The following NBEA variants were observed in gnomAD, a reference collection of about 807,000 sequenced individuals.
NBEA encodes lysosomal-trafficking regulator 2.
A neutral mutation model predicts 343.4 loss-of-function variants in NBEA; 44 were observed. That is an observed-to-expected ratio of 0.13 (90% CI 0.10 to 0.16). NBEA has a LOEUF of 0.16. Ranked by LOEUF, NBEA falls within the 10% of genes least tolerant of loss-of-function variation. NBEA has a pLI of 1.00. For synonymous variants in NBEA, 1,175 were observed against 1,238.7 expected, an observed-to-expected ratio of 0.95 and a Z score of 1.08; for missense variants, 2,555 against 3,631.3, an observed-to-expected ratio of 0.70 and a Z score of 7.62.
At chr13:35,215,004 G>A (rs1338483383) in intron 33 of NBEA, among the ~76,000 whole-genome samples, 1 of 106,394 alleles carries the variant, frequency 9.4e-6, no homozygotes, top group Non-Finnish European at 2.1e-5. Flanking sequence ...ACTCCATTCT[G>A]TCCCATGAAC....
chr13:35,081,920 C>G (rs998228353), intron 10 of NBEA, among the ~76,000 whole-genome samples: 2 of 150,912 alleles, frequency 1.3e-5, no homozygotes, highest in Non-Finnish European at 3.0e-5. Context: ...ATTTTGGTAA[C>G]TTTTTTTTTA....
At chr13:35,098,609 AT>A (rs1391739601) in intron 11 of NBEA, among the ~76,000 whole-genome samples, 2 of 152,208 alleles carry the variant, frequency 1.3e-5, no homozygotes, top group East Asian at 1.9e-4. Flanking sequence ...GAATAAAAAA[AT>A]CTAAATAAAA....
intron 38 of NBEA, among the ~76,000 whole-genome samples, chr13:35,370,155 A>C (rs577354451): frequency 1.3e-5 from 2 of 152,062 alleles, no homozygotes; most frequent in Non-Finnish European, 2.9e-5. Flanking sequence ...ACTCAACTGG[A>C]GTCTATCGCT....
intron 38 of NBEA, among the ~76,000 whole-genome samples, chr13:35,381,044 CT>C (rs539176050): frequency 6.4e-4 from 97 of 151,924 alleles, no homozygotes; most frequent in African/African-American, 2.3e-3. Flanking sequence ...TATGATTTTT[CT>C]TTTTTTCTAC....
chr13:35,185,921 TA>T (rs1474644469), intron 30 of NBEA: 13 of 152,210 alleles, frequency 8.5e-5, no homozygotes, highest in African/African-American at 2.9e-4. Flanking sequence ...CGGGGAAAGA[TA>T]TTTTTTCATG....
At chr13:35,174,363 C>A (rs915056388) in intron 27 of NBEA, among the ~76,000 whole-genome samples, 1 of 151,984 alleles carries the variant, frequency 6.6e-6, no homozygotes, top group East Asian at 1.9e-4. Context: ...TAGGGTTGTT[C>A]CTTCTGTTTG....
chr13:35,153,398 C>T (rs2152705975), intron 18 of NBEA, among the ~76,000 whole-genome samples: 1 of 152,144 alleles, frequency 6.6e-6, no homozygotes, highest in African/African-American at 2.4e-5. Flanking sequence ...TTATGCCTGC[C>T]TCCAGAACAA....
intron 18 of NBEA, among the ~76,000 whole-genome samples, chr13:35,143,981 A>AT (rs1254107819): frequency 6.6e-6 from 1 of 152,188 alleles, no homozygotes; most frequent in Non-Finnish European, 1.5e-5. Context: ...GATCAAGTCA[A>AT]TTGCAGATTT....
chr13:35,427,578 T>A (rs1164894888), intron 38 of NBEA, among the ~76,000 whole-genome samples: 1 of 151,954 alleles, frequency 6.6e-6, no homozygotes, highest in Non-Finnish European at 1.5e-5. Flanking sequence ...TACTCGGGGG[T>A]CAGGGACCCA....
At chr13:35,050,868 G>A (rs895250475) in intron 6 of NBEA, among the ~76,000 whole-genome samples, 4 of 151,886 alleles carry the variant, frequency 2.6e-5, no homozygotes, top group African/African-American at 7.2e-5. Context: ...AATAATGCTG[G>A]CTTCAAGGAG....
rs374776603 is a variant in NBEA at position 35,552,447 on chromosome 13, CTT to C, written c.6806+1416_6806+1417del. On this transcript the variant is annotated intron_variant, in intron 43 of 58. Transcript: ENST00000379939. ...TAAGATATTAGTAGATAATGAAGCA[CTT>C]ATATAAAATACAGGTCAAAGAAAAA... Among the ~76,000 whole-genome samples the C allele has an allele frequency of 1.7e-4, 26 of 152,246 alleles. No individual in the cohort carries two copies. In the South Asian group the frequency reaches 3.3e-3, roughly 19 times the overall value.
Position 35,249,840 on chromosome 13 carries a change from CAT to C in NBEA, c.5776+17225_5776+17226del, listed in dbSNP as rs368103979. Among the ~76,000 whole-genome samples, 25 of 152,202 alleles carry C rather than the reference CAT, an allele frequency of 1.6e-4. No homozygotes were observed. In the East Asian group the frequency reaches 4.6e-3, roughly 28 times the overall value. On this transcript the variant is annotated intron_variant, in intron 34 of 58. Coordinates refer to ENST00000379939, the MANE Select transcript of NBEA (RefSeq NM_001385012.1). ...TGGAAGCAACCCAAGTTTCTATCAACATATAGATGCATTTCAAAAAATGTAGT... is the reference window on the plus strand; with the variant it reads ...TGGAAGCAACCCAAGTTTCTATCAACATAGATGCATTTCAAAAAATGTAGT...
chr13:35,499,782 A>G (rs953164397), intron 41 of NBEA, among the ~76,000 whole-genome samples: 2 of 152,094 alleles, frequency 1.3e-5, no homozygotes, highest in African/African-American at 4.8e-5. Flanking sequence ...TACAGAAGAA[A>G]CACAATTAAA....
At chr13:35,036,099 C>T (rs1042343462) in intron 1 of NBEA, among the ~76,000 whole-genome samples, 5 of 151,524 alleles carry the variant, frequency 3.3e-5, no homozygotes, top group African/African-American at 4.8e-5. Flanking sequence ...CATTTCTGTC[C>T]TCTAGTGAAG....
At chr13:35,294,781 T>A (rs2036013754) in intron 35 of NBEA, among the ~76,000 whole-genome samples, 1 of 152,070 alleles carries the variant, frequency 6.6e-6, no homozygotes, top group Middle Eastern at 3.2e-3. Context: ...AGTAAATGGG[T>A]CCTATGTACC....
At chr13:35,428,493 C>T (rs1432511417) in intron 38 of NBEA, among the ~76,000 whole-genome samples, 1 of 152,156 alleles carries the variant, frequency 6.6e-6, no homozygotes, top group Admixed American at 6.5e-5. Context: ...TCCTTCTGTT[C>T]TGCTGTTGAG....
chr13:35,046,484 C>T (rs1202419528), intron 4 of NBEA, among the ~76,000 whole-genome samples: 3 of 151,898 alleles, frequency 2.0e-5, no homozygotes, highest in Non-Finnish European at 4.4e-5. Flanking sequence ...ACAGTAGTCC[C>T]GCCTTATCCA....
At chr13:35,349,346 A>G (rs572112469) in intron 37 of NBEA, 130 bp downstream of exon 37, 2 of 513,938 alleles carry the variant, frequency 3.9e-6, no homozygotes, top group Admixed American at 7.2e-5. Flanking sequence ...CCTGTTTTTT[A>G]AAAGCTTTAG....
intron 46 of NBEA, among the ~76,000 whole-genome samples, chr13:35,592,589 TG>T (rs2153043295): frequency 6.6e-6 from 1 of 152,188 alleles, no homozygotes; most frequent in East Asian, 1.9e-4. Flanking sequence ...GTGAAATAAA[TG>T]GGTAAGTTTA....
Sources: gnomAD v4.1 joint callset for allele counts (sites outside exome capture counted in the v4.1 genomes callset) on GRCh38, gnomAD v4.1.1 for gene constraint, MANE v1.5 for transcripts, NCBI Gene and HGNC (gene_info 2026-07-23, HGNC 2026-07-21) for gene names.